Variants in TNS1 observed in about 807,000 individuals in gnomAD.
TNS1 encodes the protein tensin 1.
Under a neutral mutation model 168.6 loss-of-function variants are expected in TNS1, and 62 were observed. The observed-to-expected ratio is 0.37, with a 90% CI of 0.30 to 0.45. TNS1 has a LOEUF of 0.45. Ranked by LOEUF, TNS1 falls within the 20% of genes least tolerant of loss-of-function variation. The pLI, the probability that TNS1 is intolerant of heterozygous loss-of-function variation, is 1.00. For missense variants in TNS1, 2,240 were observed against 2,339.4 expected, an observed-to-expected ratio of 0.96 and a Z score of 0.88; for synonymous variants, 934 against 933.2, an observed-to-expected ratio of 1.00 and a Z score of -0.02.
At chr2:217,856,404 T>G (rs1241554507) in intron 18 of TNS1, among the ~76,000 whole-genome samples, 1 of 152,180 alleles carries the variant, frequency 6.6e-6, no homozygotes, top group Non-Finnish European at 1.5e-5. Context: ...TGTGACAGTC[T>G]TGGCCTCCAC....
chr2:217,968,787 C>T (rs1957708131), intron 3 of TNS1, among the ~76,000 whole-genome samples: 2 of 151,936 alleles, frequency 1.3e-5, no homozygotes, highest in Admixed American at 6.6e-5. Context: ...CTCCGCCTCC[C>T]GGGTTCAAGA....
chr2:217,910,895 G>A (rs1039768623), intron 4 of TNS1, among the ~76,000 whole-genome samples: 1 of 152,164 alleles, frequency 6.6e-6, no homozygotes, highest in African/African-American at 2.4e-5. Flanking sequence ...CTTTCATGGT[G>A]AGGTTTGTGG....
chr2:217,940,137 A>G (rs145213888), intron 3 of TNS1, among the ~76,000 whole-genome samples: 1 of 152,280 alleles, frequency 6.6e-6, no homozygotes, highest in Non-Finnish European at 1.5e-5. Flanking sequence ...AGCCCTAGAA[A>G]GCTAAGAGCC....
chr2:217,990,686 C>A (rs1958343705), intron 2 of TNS1, among the ~76,000 whole-genome samples: 1 of 152,238 alleles, frequency 6.6e-6, no homozygotes, highest in Non-Finnish European at 1.5e-5. Flanking sequence ...GCATGACACC[C>A]ATATACCTTC....
At chr2:217,949,057 G>C (rs942416131) in intron 3 of TNS1, among the ~76,000 whole-genome samples, 3 of 152,148 alleles carry the variant, frequency 2.0e-5, no homozygotes, top group African/African-American at 4.8e-5. Flanking sequence ...CTCTCACCCT[G>C]CCTGTTTCTA....
Position 217,848,447 on chromosome 2 carries a change from G to T in TNS1, c.2070C>A (p.Ser690Arg). ...NGGGYPYESA[S>R]RAGPAHAGHT... is the part of the protein sequence containing the mutation. Reference sequence around the variant, plus strand: ...GGCCAGCATGGGCAGGCCCCGCCCGGCTGGCAGACTCGTAGGGGTAGCCTC... The same window carrying T: ...GGCCAGCATGGGCAGGCCCCGCCCGTCTGGCAGACTCGTAGGGGTAGCCTC... The change falls in exon 19 of 33, where the codon AGC (serine) becomes AGA (arginine). Residue 690 changes from serine (S) to arginine (R), a missense_variant. Physicochemically the swap from Ser to Arg is moderately radical, Grantham distance 110 (BLOSUM62 -1). Coordinates refer to ENST00000682258, the MANE Select transcript of TNS1 (RefSeq NM_001387777.1). 1 of 1,612,092 alleles carries T rather than the reference G, an allele frequency of 6.2e-7. No individual in the cohort carries two copies. The highest frequency in any genetic ancestry group is 8.5e-7 in the Non-Finnish European group (1 of 1,178,662).
chr2:217,945,176 C>T (rs987734071), intron 3 of TNS1, among the ~76,000 whole-genome samples: 19 of 152,324 alleles, frequency 1.2e-4, no homozygotes, highest in East Asian at 3.9e-4. Context: ...CCTTCTCTTC[C>T]GCATCTGGGT....
intron 8 of TNS1, 73 bp downstream of exon 8, chr2:217,897,725 C>G (rs1162578467): frequency 7.0e-7 from 1 of 1,433,918 alleles, no homozygotes; most frequent in Non-Finnish European, 9.3e-7. Flanking sequence ...GCAGGGATAC[C>G]AGTCATGTAG....
intron 32 of TNS1, among the ~76,000 whole-genome samples, chr2:217,805,781 TACAC>T (rs1938884547): frequency 3.2e-5 from 1 of 31,520 alleles, no homozygotes; most frequent in Non-Finnish European, 7.4e-5. Flanking sequence ...CACACACACA[TACAC>T]CACACACACA....
chr2:218,007,616 C>T (rs1439849280), upstream of TNS1, among the ~76,000 whole-genome samples: 3 of 151,546 alleles, frequency 2.0e-5, no homozygotes, highest in East Asian at 5.8e-4. Context: ...AGTGGGGAGC[C>T]AAGGATAGTG....
At chr2:217,975,972 C>A (rs1427875292) in intron 3 of TNS1, among the ~76,000 whole-genome samples, 1 of 152,170 alleles carries the variant, frequency 6.6e-6, no homozygotes, top group Non-Finnish European at 1.5e-5. Context: ...AACTCCCCAG[C>A]ACTCACTACT....
chr2:217,967,120 T>C lies in TNS1; in HGVS notation c.186+11645A>G, dbSNP rs867184367. Among the ~76,000 whole-genome samples the C allele has an allele frequency of 7.8e-4, 118 of 152,050 alleles. 1 individual carries two copies. Among genetic ancestry groups the C allele is most frequent in the African/African-American group, 1.9e-3 (79 of 41,500 alleles). On this transcript the variant is annotated intron_variant, in intron 3 of 32. Transcript: ENST00000682258. ...GGATCACGAGGTCAGGAGATCGAGATCATCCTGGCTAACACGGTGAAACCC... is the reference window on the plus strand; with the variant it reads ...GGATCACGAGGTCAGGAGATCGAGACCATCCTGGCTAACACGGTGAAACCC...
intron 5 of TNS1, 49 bp from the exon 6 acceptor site, chr2:217,906,434 C>A: frequency 2.8e-6 from 2 of 702,522 alleles, no homozygotes; most frequent in South Asian, 1.5e-5. Context: ...GAAAAATAAT[C>A]AAAATGCACC....
intron 19 of TNS1, 109 bp downstream of exon 19, chr2:217,847,401 C>T (rs1239730547): frequency 1.8e-6 from 2 of 1,107,060 alleles, no homozygotes; most frequent in Admixed American, 5.7e-5. Context: ...GAGCCTCCTC[C>T]CACCAGTGAA....
intron 4 of TNS1, among the ~76,000 whole-genome samples, chr2:217,917,668 TA>T (rs1473445731): frequency 2.0e-5 from 3 of 151,706 alleles, no homozygotes; most frequent in Non-Finnish European, 4.4e-5. Context: ...CCATCTCTAC[TA>T]AAAATGCAAA....
At chr2:217,925,027 T>C (rs1955940543) in intron 3 of TNS1, among the ~76,000 whole-genome samples, 2 of 152,218 alleles carry the variant, frequency 1.3e-5, no homozygotes, top group African/African-American at 4.8e-5. Context: ...GCTTACTTCT[T>C]TATGAATACG....
At chr2:217,843,222 A>G (rs369472770) in intron 19 of TNS1, among the ~76,000 whole-genome samples, 16 of 151,906 alleles carry the variant, frequency 1.1e-4, no homozygotes, top group African/African-American at 3.9e-4. Flanking sequence ...CTTTATTCTA[A>G]TTTCATGAAG....
intron 3 of TNS1, among the ~76,000 whole-genome samples, chr2:217,958,905 C>T (rs1468387096): frequency 6.6e-6 from 1 of 152,216 alleles, no homozygotes; most frequent in Non-Finnish European, 1.5e-5. Context: ...GGAACTCAAA[C>T]CTTCTACAAG....
Position 217,847,574 on chromosome 2 carries a change from G to A in TNS1, c.2943C>T (p.Asp981=). The change falls in exon 19 of 33, where the codon GAC becomes GAT. Residue 981 remains aspartate (D), a synonymous_variant. Coordinates refer to ENST00000682258, the MANE Select transcript of TNS1 (RefSeq NM_001387777.1). ...PLLSPKEATS[D]PSRTPEEEPL... is the part of the protein sequence containing the mutation. ...GCTCCTCCTCTGGAGTCCGGGAGGG[G>A]TCTGAAGTCGCTTCCTTTGGTGAGA... 1.3e-6 allele frequency: 2 copies of A among 1,505,698 alleles called. No homozygotes were observed. Among genetic ancestry groups the A allele is most frequent in the East Asian group, 2.3e-5 (1 of 43,766 alleles). The allele number at this position is 1,505,698 out of a possible 1,614,324, so 93.3% of individuals were successfully genotyped here.
Sources: gnomAD v4.1 joint callset for allele counts (sites outside exome capture counted in the v4.1 genomes callset) on GRCh38, gnomAD v4.1.1 for gene constraint, MANE v1.5 for transcripts, NCBI Gene and HGNC (gene_info 2026-07-23, HGNC 2026-07-21) for gene names.